Variants in MSN observed in about 807,000 individuals in gnomAD.
MSN encodes the protein moesin.
MSN carries 2 observed loss-of-function variants against 48.0 expected under a neutral mutation model. The observed-to-expected ratio is 0.04, with a 90% CI of 0.02 to 0.13. The LOEUF (loss-of-function observed/expected upper bound fraction) is 0.13, where lower values mean the gene tolerates loss of function less well. Among genes scored for constraint, MSN ranks in the 10% least tolerant of loss-of-function variants. The pLI is 1.00. For synonymous variants in MSN, 146 were observed against 166.9 expected, an observed-to-expected ratio of 0.87 and a Z score of 0.97; for missense variants, 267 against 470.1, an observed-to-expected ratio of 0.57 and a Z score of 3.99.
intron 1 of MSN, among the ~76,000 whole-genome samples, chrX:65,640,953 A>G (rs960334113): frequency 1.3e-4 from 14 of 110,585 alleles, no homozygotes; most frequent in African/African-American, 4.6e-4. Flanking sequence ...TACTAAGAAT[A>G]CAAAAATTAG....
At chrX:65,728,633 A>G (rs1025967471) in intron 3 of MSN, among the ~76,000 whole-genome samples, 6 of 111,680 alleles carry the variant, frequency 5.4e-5, no homozygotes, top group Non-Finnish European at 1.1e-4. Flanking sequence ...TGAACTAGAA[A>G]AAAAAAAATC....
At chrX:65,597,482 G>A (rs756425360) in intron 1 of MSN, among the ~76,000 whole-genome samples, 5 of 110,834 alleles carry the variant, frequency 4.5e-5, no homozygotes, top group African/African-American at 1.6e-4. Flanking sequence ...TAGTAGCTGG[G>A]ACCACAGGCA....
chrX:65,614,813 C>T (rs1466620023), intron 1 of MSN, among the ~76,000 whole-genome samples: 2 of 98,929 alleles, frequency 2.0e-5, no homozygotes, highest in African/African-American at 7.4e-5. Context: ...ACTAACTCGT[C>T]ATCTAGCATT....
intron 1 of MSN, among the ~76,000 whole-genome samples, chrX:65,628,844 C>A (rs1428745197): frequency 1.8e-5 from 2 of 110,069 alleles, no homozygotes; most frequent in African/African-American, 6.6e-5. Context: ...GTGGGCGGAT[C>A]ACCTGAGGTC....
At chrX:65,618,924 A>C (rs1446885739) in intron 1 of MSN, among the ~76,000 whole-genome samples, 2 of 109,026 alleles carry the variant, frequency 1.8e-5, no homozygotes, top group Non-Finnish European at 3.8e-5. Flanking sequence ...ATCTCTCAGC[A>C]TTTGCTTGTC....
At chrX:65,655,806 G>A (rs1253308090) in intron 1 of MSN, among the ~76,000 whole-genome samples, 2 of 111,889 alleles carry the variant, frequency 1.8e-5, no homozygotes, top group East Asian at 5.6e-4. Context: ...TGTTCTTGTC[G>A]CCCAGGCTGG....
At chrX:65,665,474 C>T (rs1302668643), upstream of MSN, among the ~76,000 whole-genome samples, 1 of 111,742 alleles carries the variant, frequency 8.9e-6, no homozygotes, top group African/African-American at 3.3e-5. Flanking sequence ...ATGATCTTGG[C>T]AGGGAACTTT....
rs1005643668 is a variant in MSN, at chrX:65,741,649, C to G, written c.*1756C>G. 2 of 169,275 alleles carry G rather than the reference C, an allele frequency of 1.2e-5. No homozygotes were observed. Among genetic ancestry groups the G allele is most frequent in the Admixed American group, 8.1e-5 (1 of 12,315 alleles). The allele number at this position is 169,275 out of a possible 1,213,427, so 14.0% of individuals were successfully genotyped here. A position where few individuals can be genotyped will look rare whatever the true frequency, so the allele number is the denominator to read the frequency against. ...TCAATTCCCCCTGGCCACCACCCCCCACTCTGTGCCTGACCTTGAGGAGTC... is the reference window on the plus strand; with the variant it reads ...TCAATTCCCCCTGGCCACCACCCCCGACTCTGTGCCTGACCTTGAGGAGTC... On this transcript the variant is annotated 3_prime_UTR_variant, in exon 13 of 13. Coordinates refer to ENST00000360270, the MANE Select transcript of MSN (RefSeq NM_002444.3).
chrX:65,718,887 C>T (rs1368374797), intron 2 of MSN, among the ~76,000 whole-genome samples: 1 of 108,771 alleles, frequency 9.2e-6, no homozygotes, highest in Non-Finnish European at 1.9e-5. Flanking sequence ...GCTTAATGAT[C>T]CTCAGAATAT....
intron 1 of MSN, among the ~76,000 whole-genome samples, chrX:65,631,942 G>T (rs919302760): frequency 8.9e-6 from 1 of 111,971 alleles, no homozygotes; most frequent in Non-Finnish European, 1.9e-5. Context: ...ATCCTAAAAT[G>T]TTGGGATTAC....
At chrX:65,621,408 G>C (rs1298846459) in intron 1 of MSN, among the ~76,000 whole-genome samples, 1 of 111,919 alleles carries the variant, frequency 8.9e-6, no homozygotes, top group Admixed American at 9.5e-5. Context: ...TATCAAAAAC[G>C]ATTAGCCACA....
At chrX:65,591,590 G>A (rs953874129) in intron 1 of MSN, among the ~76,000 whole-genome samples, 2 of 111,719 alleles carry the variant, frequency 1.8e-5, no homozygotes, top group African/African-American at 6.5e-5. Context: ...AGATAAGAAG[G>A]AGCCCCAGAT....
intron 1 of MSN, among the ~76,000 whole-genome samples, chrX:65,591,959 ATAGT>A (rs1189408664): frequency 1.8e-5 from 2 of 109,927 alleles, no homozygotes; most frequent in Non-Finnish European, 3.8e-5. Context: ...GTGGGTATTG[ATAGT>A]TAATTGTCTG....
chrX:65,598,075 T>C (rs775290410), intron 1 of MSN, among the ~76,000 whole-genome samples: 1 of 111,462 alleles, frequency 9.0e-6, no homozygotes, highest in African/African-American at 3.3e-5. Context: ...TTTCTACCTC[T>C]CCTTACCAGC....
At chrX:65,704,128 A>G (rs959705298) in intron 1 of MSN, among the ~76,000 whole-genome samples, 1 of 111,629 alleles carries the variant, frequency 9.0e-6, no homozygotes, top group African/African-American at 3.3e-5. Flanking sequence ...GTCAGTTTCC[A>G]GTCTACAAAT....
At chrX:65,652,349 G>A (rs2070748899) in intron 1 of MSN, among the ~76,000 whole-genome samples, 1 of 111,777 alleles carries the variant, frequency 8.9e-6, no homozygotes, top group African/African-American at 3.2e-5. Flanking sequence ...AGCTGGACAA[G>A]TTTTTGGGAG....
Position 65,737,253 on chromosome X carries a change from TGGCCAAGGAGCGTCAAGAAGCTGAAGA to T in MSN, c.1177_1203del (p.Arg393_Glu401del). On this transcript the variant is annotated inframe_deletion, in exon 10 of 13. Coordinates refer to ENST00000360270, the MANE Select transcript of MSN (RefSeq NM_002444.3). ...CGTGCCCAGAGCGAGGCTGAAAAGC[TGGCCAAGGAGCGTCAAGAAGCTGAAGA>T]GGCCAAGGAGGCCTTGCTGCAGGCC... is the stretch of plus-strand genomic sequence containing the variant. 8.3e-7 allele frequency: 1 copy of T among 1,210,941 alleles called. No homozygotes were observed.
At chrX:65,706,993 A>G (rs921692231) in intron 1 of MSN, among the ~76,000 whole-genome samples, 3 of 111,696 alleles carry the variant, frequency 2.7e-5, no homozygotes, top group Non-Finnish European at 5.6e-5. Context: ...GCCATCTTAT[A>G]GTTCAGTGAC....
At chrX:65,667,997 G>A in intron 1 of MSN, 144 bp downstream of exon 1, 1 of 690,704 alleles carries the variant, frequency 1.4e-6, no homozygotes, top group Non-Finnish European at 2.2e-6. Context: ...GGAGGGGACC[G>A]GAGTGGGATC....
Sources: allele counts gnomAD v4.1 joint callset (sites outside exome capture counted in the v4.1 genomes callset), GRCh38; gene constraint gnomAD v4.1.1; transcripts MANE v1.5; gene names NCBI Gene and HGNC (gene_info 2026-07-23, HGNC 2026-07-21).